Variants in IGLON5 observed in about 807,000 individuals in gnomAD.
IGLON5 encodes the protein IgLON family member 5.
In IGLON5, 16 loss-of-function variants were observed where a neutral mutation model predicts 38.2. The observed-to-expected ratio is 0.42, with a 90% CI of 0.28 to 0.64. The LOEUF (loss-of-function observed/expected upper bound fraction) is 0.64, where lower values mean the gene tolerates loss of function less well. Among genes scored for constraint, IGLON5 ranks in the 30% least tolerant of loss-of-function variants. The pLI is 0.23. For missense variants in IGLON5, 366 were observed against 483.4 expected, an observed-to-expected ratio of 0.76 and a Z score of 2.28; for synonymous variants, 207 against 216.4, an observed-to-expected ratio of 0.96 and a Z score of 0.38.
intron 2 of IGLON5, among the ~76,000 whole-genome samples, chr19:51,322,663 C>G (rs755901602): frequency 2.6e-4 from 39 of 148,432 alleles, no homozygotes; most frequent in Non-Finnish European, 5.2e-4. Context: ...CTCTGTCCCC[C>G]TCTCTCTGGA....
intron 1 of IGLON5, among the ~76,000 whole-genome samples, chr19:51,318,308 A>G (rs1234910488): frequency 6.6e-6 from 1 of 152,250 alleles, no homozygotes; most frequent in African/African-American, 2.4e-5. Context: ...GACTTGAGTC[A>G]GAACCAAGAT....
At chr19:51,313,609 CTT>C (rs1249449040) in intron 1 of IGLON5, among the ~76,000 whole-genome samples, 37 of 147,866 alleles carry the variant, frequency 2.5e-4, no homozygotes, top group African/African-American at 7.5e-4. Context: ...TTCCTTCTTT[CTT>C]TCTTTCCTTC....
At chr19:51,328,505 GAAAAAAAAAAAAA>G (rs61422289) in intron 7 of IGLON5, among the ~76,000 whole-genome samples, 153 bp from the exon 8 acceptor site, 1 of 111,152 alleles carries the variant, frequency 9.0e-6, no homozygotes. Flanking sequence ...CTCAAAAAAA[GAAAAAAAAAAAAA>G]AAAAGAAACA....
intron 1 of IGLON5, 50 bp from the exon 2 acceptor site, chr19:51,322,014 C>A: frequency 1.4e-6 from 2 of 1,477,182 alleles, no homozygotes; most frequent in Non-Finnish European, 9.4e-7. Flanking sequence ...TGCTACCATG[C>A]CCGGGCCTTG....
chr19:51,315,186 T>G (rs536771711), intron 1 of IGLON5, among the ~76,000 whole-genome samples: 1 of 152,340 alleles, frequency 6.6e-6, no homozygotes, highest in African/African-American at 2.4e-5. Flanking sequence ...TTAAAACAAT[T>G]CAACAAAATC....
Position 51,327,931 on chromosome 19 carries a change from G to A in IGLON5, c.922+45G>A. ...GGGGCCGGGAAGGTGGGCGGGGCCG[G>A]GGGCGGGGCTAGGGAAGTGGAGACG... On this transcript the variant is annotated intron_variant, in intron 7 of 7. Coordinates refer to ENST00000270642, the MANE Select transcript of IGLON5 (RefSeq NM_001101372.3). The surrounding 1 kb of genome is among the most constrained non-coding windows in gnomAD (Gnocchi z 7.1). The A allele has an allele frequency of 1.4e-6, 2 of 1,457,342 alleles. No homozygotes were observed. The highest frequency in any genetic ancestry group is 2.5e-4 in the Middle Eastern group (1 of 3,974). The allele number at this position is 1,457,342 out of a possible 1,614,324, so 90.3% of individuals were successfully genotyped here. A position where few individuals can be genotyped will look rare whatever the true frequency, so the allele number is the denominator to read the frequency against.
intron 2 of IGLON5, among the ~76,000 whole-genome samples, chr19:51,322,967 C>G (rs1442561307): frequency 3.4e-5 from 5 of 149,234 alleles, no homozygotes; most frequent in Non-Finnish European, 7.4e-5. Flanking sequence ...GTCTCTGTCC[C>G]CCTCTCTCTG....
Position 51,329,602 on chromosome 19 carries a change from C to G in IGLON5, c.*843C>G, listed in dbSNP as rs972543715. ...ACTGTCAGACTGGTGGCAGGAGTCA[C>G]CTGTCTGTTTCAGTGCTTTGCCCTA... is the stretch of plus-strand genomic sequence containing the variant. On this transcript the variant is annotated 3_prime_UTR_variant, in exon 8 of 8. Coordinates refer to ENST00000270642, the MANE Select transcript of IGLON5 (RefSeq NM_001101372.3). This position sits in a 1 kb window ranked among gnomAD's most constrained non-coding sequence, Gnocchi z 4.3. 1 of 152,206 alleles carries G rather than the reference C, an allele frequency of 6.6e-6. No homozygotes were observed. Among genetic ancestry groups the G allele is most frequent in the Admixed American group, 6.5e-5 (1 of 15,272 alleles). 9.4% of individuals were successfully genotyped at this position (152,206 alleles called of 1,614,324 possible).
chr19:51,326,628 AC>A (rs1486226196), intron 4 of IGLON5, 135 bp from the exon 5 acceptor site: 1 of 27,982 alleles, frequency 3.6e-5, no homozygotes, highest in African/African-American at 3.2e-4. Flanking sequence ...CCCCTCCCCC[AC>A]CCCACCCCCA....
At chr19:51,322,016 CG>C in intron 1 of IGLON5, 47 bp from the exon 2 acceptor site, 2 of 1,491,678 alleles carry the variant, frequency 1.3e-6, no homozygotes, top group Non-Finnish European at 1.9e-6. Context: ...CTACCATGCC[CG>C]GGCCTTGCCT....
At chr19:51,319,884 T>TTGTG (rs563218515) in intron 1 of IGLON5, among the ~76,000 whole-genome samples, 4 of 149,734 alleles carry the variant, frequency 2.7e-5, no homozygotes, top group South Asian at 2.1e-4. Flanking sequence ...TTGTATGTGT[T>TTGTG]TGTGTGTGTG....
chr19:51,320,875 G>A (rs1354830919), intron 1 of IGLON5, among the ~76,000 whole-genome samples: 2 of 152,152 alleles, frequency 1.3e-5, no homozygotes, highest in African/African-American at 4.8e-5. Context: ...GTGTACTTGT[G>A]GGCCTGTGTG....
Position 51,325,306 on chromosome 19 carries a change from TTCCTGGGCA to T in IGLON5, c.392-36_392-28del. On this transcript the variant is annotated intron_variant, in intron 3 of 7. Coordinates refer to ENST00000270642, the MANE Select transcript of IGLON5 (RefSeq NM_001101372.3). The surrounding 1 kb of genome is among the most constrained non-coding windows in gnomAD (Gnocchi z 5.5). Reference sequence around the variant, plus strand: ...AAGGAGGAAGGGCTGGGGGCCTGGATTCCTGGGCATCCATATTCAGCCTCTGCCGCTGCC... The same window carrying T: ...AAGGAGGAAGGGCTGGGGGCCTGGATTCCATATTCAGCCTCTGCCGCTGCC... 4 of 1,601,966 alleles carry T rather than the reference TTCCTGGGCA, an allele frequency of 2.5e-6. No homozygotes were observed.
rs1303414519 is a variant in IGLON5 at position 51,328,679 on chromosome 19, T to C, written c.931T>C (p.Ser311Pro). 4 of 1,580,504 alleles carry C rather than the reference T, an allele frequency of 2.5e-6. No individual in the cohort carries two copies. Among genetic ancestry groups the C allele is most frequent in the Non-Finnish European group, 3.4e-6 (4 of 1,163,162 alleles). Residue 311 changes from serine (S) to proline (P), a missense_variant, in exon 8 of 8, where the codon TCC becomes CCC. Ser to Pro is a moderately conservative substitution (Grantham distance 74). Coordinates refer to ENST00000270642, the MANE Select transcript of IGLON5 (RefSeq NM_001101372.3). ...CCCTTCTCTTCCCCCAGGCCCAGGA[T>C]CCCTGGAGAACTCAGCCCCGAGGCC... ...SASMRLLRPG[S>P]LENSAPRPPG... is the part of the protein sequence containing the mutation.
intron 4 of IGLON5, among the ~76,000 whole-genome samples, chr19:51,326,468 G>A (rs559162785): frequency 6.6e-6 from 1 of 151,858 alleles, no homozygotes; most frequent in African/African-American, 2.4e-5. Flanking sequence ...TCCTCCCCAC[G>A]GAGCTCCATG....
intron 1 of IGLON5, among the ~76,000 whole-genome samples, chr19:51,312,314 G>A (rs1984786671): frequency 6.6e-6 from 1 of 151,948 alleles, no homozygotes; most frequent in Non-Finnish European, 1.5e-5. Flanking sequence ...TTGGGGTGGG[G>A]GGCAGGGGAT....
intron 1 of IGLON5, 34 bp from the exon 2 acceptor site, chr19:51,322,029 AG>A (rs1985072927): frequency 1.3e-6 from 2 of 1,577,692 alleles, no homozygotes; most frequent in Admixed American, 1.7e-5. Flanking sequence ...GCCTTGCCTG[AG>A]CTGCCAAGGC....
Position 51,327,799 on chromosome 19 carries a change from G to C in IGLON5, c.835G>C (p.Ala279Pro). ...TERTRSMLLFANVSARHYGNY... is the reference protein window; with the variant it reads ...TERTRSMLLFPNVSARHYGNY... Reference sequence around the variant, plus strand: ...GCGCACCCGCTCGATGCTTCTCTTTGCCAACGTGAGCGCCCGGCATTACGG... The same window carrying C: ...GCGCACCCGCTCGATGCTTCTCTTTCCCAACGTGAGCGCCCGGCATTACGG... Residue 279 changes from alanine to proline, a missense_variant, in exon 7 of 8, where the codon GCC becomes CCC. By Grantham distance (27) the Ala-to-Pro change is conservative. Transcript: ENST00000270642. This position sits in a 1 kb window ranked among gnomAD's most constrained non-coding sequence, Gnocchi z 7.1. 1 of 1,565,482 alleles carries C rather than the reference G, an allele frequency of 6.4e-7. No homozygotes were observed. The highest frequency in any genetic ancestry group is 8.6e-7 in the Non-Finnish European group (1 of 1,157,026).
In IGLON5 at chr19:51,327,132, C is replaced by T. The variant is rs748434736; in HGVS notation, c.699C>T (p.Ala233=). ...VTSARTALGR[A]ALLRCEAMAV... ...GCGCCCGCACCGCGCTGGGCCGGGC[C>T]GCCCTCCTGCGCTGCGAAGCCATGG... Residue 233 remains alanine, a synonymous_variant, in exon 6 of 8, where the codon GCC becomes GCT. Transcript: ENST00000270642. This position sits in a 1 kb window ranked among gnomAD's most constrained non-coding sequence, Gnocchi z 7.1. The T allele has an allele frequency of 1.9e-6, 3 of 1,611,886 alleles. No homozygotes were observed. Among genetic ancestry groups the T allele is most frequent in the Admixed American group, 1.7e-5 (1 of 59,962 alleles).
Sources: allele counts gnomAD v4.1 joint callset (sites outside exome capture counted in the v4.1 genomes callset), GRCh38; gene constraint gnomAD v4.1.1; non-coding constraint Gnocchi (gnomAD v3.1); transcripts MANE v1.5; gene names NCBI Gene and HGNC (gene_info 2026-07-23, HGNC 2026-07-21).